KICS2: variants seen among roughly 807,000 people sequenced by gnomAD.
KICS2 encodes KICSTOR subunit 2.
A neutral mutation model predicts 31.4 loss-of-function variants in KICS2; 13 were observed. The ratio of observed to expected loss-of-function variants is 0.41; its 90% CI spans 0.27 to 0.66. The LOEUF (loss-of-function observed/expected upper bound fraction) is 0.66, where lower values mean the gene tolerates loss of function less well. Ranked by LOEUF, KICS2 falls within the 30% of genes least tolerant of loss-of-function variation. KICS2 has a pLI of 0.28. For missense variants in KICS2, 455 were observed against 545.4 expected, an observed-to-expected ratio of 0.83 and a Z score of 1.65; for synonymous variants, 209 against 214.8, an observed-to-expected ratio of 0.97 and a Z score of 0.24.
chr12:64,187,543 A>G (rs2037347641), downstream of KICS2: 1 of 1,238,130 alleles, frequency 8.1e-7, no homozygotes, highest in Non-Finnish European at 1.1e-6. Context: ...GAAGTCTCCA[A>G]AGGCAGAAAT....
At chr12:64,196,823 T>C (rs1266594622) in intron 2 of KICS2, among the ~76,000 whole-genome samples, 3 of 150,208 alleles carry the variant, frequency 2.0e-5, no homozygotes, top group Non-Finnish European at 4.4e-5. Flanking sequence ...CAGGAGCCGA[T>C]GCAATCAACT....
At chr12:64,202,837 C>A (rs912956514) in intron 2 of KICS2, among the ~76,000 whole-genome samples, 1 of 151,902 alleles carries the variant, frequency 6.6e-6, no homozygotes, top group Non-Finnish European at 1.5e-5. Flanking sequence ...GTGGGACATC[C>A]TCTCTTCTAG....
At chr12:64,201,112 C>G (rs2037483155) in intron 2 of KICS2, among the ~76,000 whole-genome samples, 1 of 144,928 alleles carries the variant, frequency 6.9e-6, no homozygotes, top group South Asian at 2.2e-4. Flanking sequence ...TGGGTATATA[C>G]CCAAATGACT....
Position 64,222,094 on chromosome 12 carries a change from C to T in KICS2, c.144G>A (p.Gly48=). 6.2e-7 allele frequency: 1 copy of T among 1,613,978 alleles called. No individual in the cohort carries two copies. The change falls in exon 1 of 3, where the codon GGG becomes GGA. Residue 48 remains glycine, a synonymous_variant. Coordinates refer to ENST00000398055, the MANE Select transcript of KICS2 (RefSeq NM_152440.5). ...EKEREANKSA[G]GSWLSLLAAL... The stretch of plus-strand genomic sequence containing the variant: ...CCGCCAGCAGCGACAGCCAGCTGCC[C>T]CCCGCGCTCTTGTTGGCCTCTCGTT...
chr12:64,200,234 T>C (rs1468818926), intron 2 of KICS2, among the ~76,000 whole-genome samples: 1 of 101,456 alleles, frequency 9.9e-6, no homozygotes, highest in South Asian at 4.1e-4. Context: ...CAAAACAGCA[T>C]GGTACTGGTA....
At chr12:64,190,651 G>A (rs2037371526), downstream of KICS2, among the ~76,000 whole-genome samples, 1 of 151,916 alleles carries the variant, frequency 6.6e-6, no homozygotes, top group East Asian at 1.9e-4. Context: ...TCGGGAGGCT[G>A]AGGCAAGAGG....
In KICS2 at chr12:64,194,576, C is replaced by G. The variant is rs1289470737; in HGVS notation, c.604G>C (p.Ala202Pro). The G allele has an allele frequency of 6.2e-7, 1 of 1,613,956 alleles. No homozygotes were observed. Among genetic ancestry groups the G allele is most frequent in the Admixed American group, 1.7e-5 (1 of 59,988 alleles). Reference sequence around the variant, plus strand: ...AGGAACTTCCACTCTGAGACCTGGGCCTGGGCTTTCAGGAGATGACACAGG... The same window carrying G: ...AGGAACTTCCACTCTGAGACCTGGGGCTGGGCTTTCAGGAGATGACACAGG... ...DVLCHLLKAQ[A>P]QVSEWKFLPS... Residue 202 changes from alanine to proline, a missense_variant, in exon 3 of 3, where the codon GCC becomes CCC. Physicochemically the swap from Ala to Pro is conservative, Grantham distance 27. Coordinates refer to ENST00000398055, the MANE Select transcript of KICS2 (RefSeq NM_152440.5).
At chr12:64,216,407 A>G (rs557232007) in intron 1 of KICS2, among the ~76,000 whole-genome samples, 1 of 152,308 alleles carries the variant, frequency 6.6e-6, no homozygotes, top group African/African-American at 2.4e-5. Flanking sequence ...AGAGCACACA[A>G]ATTATGAAAC....
chr12:64,187,297 C>A (rs957746183), downstream of KICS2: 1 of 296,320 alleles, frequency 3.4e-6, no homozygotes. Context: ...CCTCTTGTGA[C>A]CCTCTCCTGA....
In KICS2 at chr12:64,196,398, T is replaced by C. The variant is rs973526405; in HGVS notation, c.522-1740A>G. 3.3e-5 allele frequency among the ~76,000 whole-genome samples: 5 copies of C among 150,770 alleles called. 1 individual carries two copies. The highest frequency in any genetic ancestry group is 9.8e-5 in the African/African-American group (4 of 40,702). On this transcript the variant is annotated intron_variant, in intron 2 of 2. Coordinates refer to ENST00000398055, the MANE Select transcript of KICS2 (RefSeq NM_152440.5). The stretch of plus-strand genomic sequence containing the variant: ...ACCTGCAGCTGAGGGTCCTGTCTGT[T>C]AGAAGGAAAACTAACAAACAGAAAG...
chr12:64,211,111 T>C (rs1209629511), intron 2 of KICS2, among the ~76,000 whole-genome samples: 6 of 152,184 alleles, frequency 3.9e-5, no homozygotes, highest in Admixed American at 3.9e-4. Flanking sequence ...TGTTTGGGAA[T>C]TACTACATGA....
Position 64,192,872 on chromosome 12 carries a change from G to A in KICS2, c.*970C>T, listed in dbSNP as rs982422245. 1.0e-6 allele frequency: 1 copy of A among 985,410 alleles called. No homozygotes were observed. Among genetic ancestry groups the A allele is most frequent in the Non-Finnish European group, 1.2e-6 (1 of 829,940 alleles). 61.0% of individuals were successfully genotyped at this position (985,410 alleles called of 1,614,324 possible). A position where few individuals can be genotyped will look rare whatever the true frequency, so the allele number is the denominator to read the frequency against. ...TGAGGTGATTACTCAACTATGAAGAGGTCTTTCAAGCGCACAGTTGATTTT... is the reference window on the plus strand; with the variant it reads ...TGAGGTGATTACTCAACTATGAAGAAGTCTTTCAAGCGCACAGTTGATTTT... On this transcript the variant is annotated 3_prime_UTR_variant, in exon 3 of 3. Coordinates refer to ENST00000398055, the MANE Select transcript of KICS2 (RefSeq NM_152440.5).
At chr12:64,203,236 T>C (rs977352350) in intron 2 of KICS2, among the ~76,000 whole-genome samples, 2 of 152,232 alleles carry the variant, frequency 1.3e-5, no homozygotes, top group Non-Finnish European at 2.9e-5. Flanking sequence ...CTCTGCCTCA[T>C]TGATTCTGCC....
At chr12:64,196,561 A>G (rs1359618530) in intron 2 of KICS2, among the ~76,000 whole-genome samples, 1 of 151,888 alleles carries the variant, frequency 6.6e-6, no homozygotes, top group Non-Finnish European at 1.5e-5. Flanking sequence ...CTCCAAAGGA[A>G]CACAGTTCCT....
downstream of KICS2, among the ~76,000 whole-genome samples, chr12:64,190,256 G>A (rs536956780): frequency 6.6e-6 from 1 of 152,272 alleles, no homozygotes; most frequent in African/African-American, 2.4e-5. Context: ...AGTTTCCAAA[G>A]CCTTTGTTAC....
downstream of KICS2, among the ~76,000 whole-genome samples, chr12:64,190,892 C>T (rs911758517): frequency 8.5e-5 from 13 of 152,152 alleles, no homozygotes; most frequent in African/African-American, 2.7e-4. Flanking sequence ...TGAAATGACA[C>T]AGCCAGAGAT....
At chr12:64,218,668 T>C (rs1299745027) in intron 1 of KICS2, among the ~76,000 whole-genome samples, 1 of 151,570 alleles carries the variant, frequency 6.6e-6, no homozygotes, top group Non-Finnish European at 1.5e-5. Flanking sequence ...AACTTCACAT[T>C]GAAAAAGGGA....
intron 2 of KICS2, among the ~76,000 whole-genome samples, chr12:64,213,173 C>CTATG (rs937522475): frequency 3.3e-5 from 5 of 151,640 alleles, no homozygotes; most frequent in African/African-American, 4.8e-5. Flanking sequence ...CTCAGAAAGA[C>CTATG]TATGTATGTA....
downstream of KICS2, chr12:64,187,723 G>A (rs141304238): frequency 6.6e-5 from 85 of 1,287,790 alleles, no homozygotes; most frequent in East Asian, 2.2e-3. Context: ...GAGTCACATA[G>A]CATGTTTTTT....
Sources: allele counts gnomAD v4.1 joint callset (sites outside exome capture counted in the v4.1 genomes callset), GRCh38; gene constraint gnomAD v4.1.1; transcripts MANE v1.5; gene names NCBI Gene and HGNC (gene_info 2026-07-23, HGNC 2026-07-21).